The following RGL1 variants were observed in gnomAD, a reference collection of about 807,000 sequenced individuals.
RGL1 encodes ral guanine nucleotide dissociation stimulator like 1.
In RGL1, 24 loss-of-function variants were observed where a neutral mutation model predicts 95.2. That is an observed-to-expected ratio of 0.25 (90% CI 0.18 to 0.35). RGL1 has a LOEUF of 0.35. RGL1 is among the 10% of genes least tolerant of loss of function. The pLI, the probability that RGL1 is intolerant of heterozygous loss-of-function variation, is 1.00. For synonymous variants in RGL1, 329 were observed against 344.9 expected, an observed-to-expected ratio of 0.95 and a Z score of 0.51; for missense variants, 715 against 936.3, an observed-to-expected ratio of 0.76 and a Z score of 3.08.
At chr1:183,692,047 A>G (rs1231200970) in intron 1 of RGL1, among the ~76,000 whole-genome samples, 3 of 150,364 alleles carry the variant, frequency 2.0e-5, no homozygotes, top group Non-Finnish European at 4.4e-5. Context: ...ATCTTAATAT[A>G]TATTTTAATA....
chr1:183,873,308 G>A (rs1249395310), intron 4 of RGL1, among the ~76,000 whole-genome samples: 1 of 152,158 alleles, frequency 6.6e-6, no homozygotes, highest in Admixed American at 6.5e-5. Flanking sequence ...CACTGCCCTT[G>A]CCACCACCAT....
At chr1:183,810,950 G>A (rs529471658) in intron 2 of RGL1, among the ~76,000 whole-genome samples, 1 of 152,302 alleles carries the variant, frequency 6.6e-6, no homozygotes, top group South Asian at 2.1e-4. Flanking sequence ...TAGACTGTAA[G>A]CTTGCAACCA....
At chr1:183,667,601 C>G (rs531793391) in intron 1 of RGL1, among the ~76,000 whole-genome samples, 1 of 152,160 alleles carries the variant, frequency 6.6e-6, no homozygotes, top group Non-Finnish European at 1.5e-5. Context: ...GCTGGGATTA[C>G]AGGTGTGAGC....
intron 1 of RGL1, among the ~76,000 whole-genome samples, chr1:183,701,842 C>T (rs1191265332): frequency 6.6e-6 from 1 of 152,070 alleles, no homozygotes; most frequent in African/African-American, 2.4e-5. Flanking sequence ...GAGGCTGAGG[C>T]AAGAGAATTG....
intron 1 of RGL1, among the ~76,000 whole-genome samples, chr1:183,675,146 C>A (rs1012032123): frequency 6.6e-6 from 1 of 152,090 alleles, no homozygotes; most frequent in Non-Finnish European, 1.5e-5. Flanking sequence ...TTTTTTTCTT[C>A]TTTTACTTAC....
intron 14 of RGL1, among the ~76,000 whole-genome samples, chr1:183,908,122 TA>T (rs1226272648): frequency 1.3e-5 from 2 of 152,192 alleles, no homozygotes; most frequent in East Asian, 1.9e-4. Context: ...AAACCACCAT[TA>T]TTTTTAATGA....
At chr1:183,727,992 A>G (rs1406987772) in intron 1 of RGL1, among the ~76,000 whole-genome samples, 1 of 152,172 alleles carries the variant, frequency 6.6e-6, no homozygotes, top group East Asian at 1.9e-4. Flanking sequence ...GAATGGGTAG[A>G]CTGAGTAAAA....
chr1:183,900,259 G>T, intron 11 of RGL1, 23 bp downstream of exon 11: 1 of 1,590,172 alleles, frequency 6.3e-7, no homozygotes, highest in South Asian at 1.1e-5. Flanking sequence ...TGGGTGGTGT[G>T]ATCGGGCCTG....
intron 1 of RGL1, among the ~76,000 whole-genome samples, chr1:183,645,925 A>C (rs990844828): frequency 6.6e-6 from 1 of 152,236 alleles, no homozygotes; most frequent in African/African-American, 2.4e-5. Context: ...TGCCAAAGGC[A>C]CTTTCTTTCC....
At chr1:183,646,317 C>T (rs1650287456) in intron 1 of RGL1, 1 of 152,070 alleles carries the variant, frequency 6.6e-6, no homozygotes, top group Non-Finnish European at 1.5e-5. Flanking sequence ...AACCACAATA[C>T]TAATTGCTAT....
intron 2 of RGL1, among the ~76,000 whole-genome samples, chr1:183,840,176 G>T (rs1663947239): frequency 6.6e-6 from 1 of 152,182 alleles, no homozygotes; most frequent in Admixed American, 6.5e-5. Flanking sequence ...TGGAATGAGG[G>T]TCTTATGATC....
chr1:183,817,166 G>A (rs938134959), intron 2 of RGL1, among the ~76,000 whole-genome samples: 9 of 152,282 alleles, frequency 5.9e-5, no homozygotes, highest in Non-Finnish European at 7.3e-5. Context: ...GCCAAATCCC[G>A]ATGTAGGACT....
At chr1:183,655,509 C>T (rs1012396524) in intron 1 of RGL1, among the ~76,000 whole-genome samples, 1 of 152,150 alleles carries the variant, frequency 6.6e-6, no homozygotes, top group African/African-American at 2.4e-5. Context: ...AAGCAAGCTT[C>T]AAGTAAAGAT....
At chr1:183,649,692 A>G (rs1650574226) in intron 1 of RGL1, among the ~76,000 whole-genome samples, 1 of 152,210 alleles carries the variant, frequency 6.6e-6, no homozygotes, top group Admixed American at 6.5e-5. Context: ...GTTCTTTAGA[A>G]TATTTCAAAT....
At chr1:183,921,315 A>G (rs1052463886) in intron 16 of RGL1, among the ~76,000 whole-genome samples, 2 of 152,218 alleles carry the variant, frequency 1.3e-5, no homozygotes, top group African/African-American at 2.4e-5. Context: ...TTTAATAACT[A>G]TATATATCTA....
At chr1:183,725,326 G>A (rs917733983) in intron 1 of RGL1, among the ~76,000 whole-genome samples, 1 of 152,172 alleles carries the variant, frequency 6.6e-6, no homozygotes, top group African/African-American at 2.4e-5. Context: ...AAAGGAAAGA[G>A]GTTTAATTGA....
In RGL1 at chr1:183,873,959, ATAGAAGGCCT is replaced by A. The variant is rs149825521; in HGVS notation, c.426-6653_426-6644del. Among the ~76,000 whole-genome samples, 8 of 152,336 alleles carry A rather than the reference ATAGAAGGCCT, an allele frequency of 5.3e-5. No individual in the cohort carries two copies. The East Asian group carries it at 1.5e-3, about 29-fold the overall frequency. On this transcript the variant is annotated intron_variant, in intron 4 of 17. Coordinates refer to ENST00000360851, the MANE Select transcript of RGL1 (RefSeq NM_001297671.3). Reference sequence around the variant, plus strand: ...AAACTCAGTTCTAGTGGTGAAAACTATAGAAGGCCTTAGCCATTTTTTTCAATAGAGTTCT... The same window carrying A: ...AAACTCAGTTCTAGTGGTGAAAACTATAGCCATTTTTTTCAATAGAGTTCT...
In RGL1 at chr1:183,723,501, C is replaced by T. The variant is rs536569808; in HGVS notation, c.-32-18625C>T. ...ATAGCAAAGAGAATCTGTGCTCTTG[C>T]GGGAGGGAGAGTACAGTGACTGTGG... is the stretch of plus-strand genomic sequence containing the variant. On this transcript the variant is annotated intron_variant, in intron 1 of 18. Transcript: ENST00000304685. 3.9e-5 allele frequency among the ~76,000 whole-genome samples: 6 copies of T among 152,266 alleles called. No individual in the cohort carries two copies. The South Asian group carries it at 1.0e-3, about 26-fold the overall frequency.
At chr1:183,767,473 A>G (rs1659039046) in intron 2 of RGL1, among the ~76,000 whole-genome samples, 1 of 152,180 alleles carries the variant, frequency 6.6e-6, no homozygotes, top group Non-Finnish European at 1.5e-5. Flanking sequence ...GAATGTTCTT[A>G]AGTCCACCAA....
Sources: allele counts gnomAD v4.1 joint callset (sites outside exome capture counted in the v4.1 genomes callset), GRCh38; gene constraint gnomAD v4.1.1; transcripts MANE v1.5; gene names NCBI Gene and HGNC (gene_info 2026-07-23, HGNC 2026-07-21).